Variants in GC observed in about 807,000 individuals in gnomAD.
GC encodes the protein GC vitamin D binding protein.
A neutral mutation model predicts 56.7 loss-of-function variants in GC; 43 were observed. The ratio of observed to expected loss-of-function variants is 0.76; its 90% CI spans 0.59 to 0.98. GC has a LOEUF of 0.98. Ranked by LOEUF, GC falls within the 50% of genes least tolerant of loss-of-function variation. The probability of loss-of-function intolerance (pLI) is 0.00; values close to 1 mark genes in which losing one functional copy is unlikely to be tolerated. For synonymous variants in GC, 216 were observed against 202.7 expected (o/e 1.07, Z -0.56); for missense variants, 529 against 545.9 (o/e 0.97, Z 0.31).
chr4:71,758,150 T>C lies in GC; in HGVS notation c.723A>G (p.Gln241=). The change falls in exon 7 of 13, where the codon CAA becomes CAG. Residue 241 remains glutamine, a synonymous_variant. Coordinates refer to ENST00000273951, the MANE Select transcript of GC (RefSeq NM_000583.4). ...CCTCCAGATCAGCAGTAGGCACTTT[T>C]TGGGCTAACTTTATGAGATTGCTAA... ...SRLSNLIKLA[Q]KVPTADLEDV... The C allele has an allele frequency of 1.2e-6, 2 of 1,613,360 alleles. No individual in the cohort carries two copies. Among genetic ancestry groups the C allele is most frequent in the Non-Finnish European group, 1.7e-6 (2 of 1,179,382 alleles).
chr4:71,770,901 T>C (rs1195548745), intron 1 of GC, among the ~76,000 whole-genome samples: 2 of 152,180 alleles, frequency 1.3e-5, no homozygotes, highest in Non-Finnish European at 2.9e-5. Context: ...TCATTCACGC[T>C]ACAGGGAAGA....
chr4:71,760,161 A>G (rs1289189122), intron 6 of GC, among the ~76,000 whole-genome samples: 8 of 150,182 alleles, frequency 5.3e-5, no homozygotes, highest in Admixed American at 1.3e-4. Context: ...CTCCTGCCTC[A>G]GCCTCCTGAG....
intron 4 of GC, among the ~76,000 whole-genome samples, chr4:71,765,069 T>C (rs1250844413): frequency 2.0e-5 from 3 of 152,190 alleles, no homozygotes; most frequent in Admixed American, 6.6e-5. Flanking sequence ...GTATTTAAAA[T>C]GTGTACAGCA....
At chr4:71,781,167 T>C (rs778573325) in intron 1 of GC, among the ~76,000 whole-genome samples, 6 of 151,916 alleles carry the variant, frequency 3.9e-5, no homozygotes, top group Non-Finnish European at 5.9e-5. Flanking sequence ...TTCTCACTCA[T>C]AGTTGGGAGT....
chr4:71,787,680 C>T (rs1332319936), upstream of GC, among the ~76,000 whole-genome samples: 1 of 151,674 alleles, frequency 6.6e-6, no homozygotes, highest in Non-Finnish European at 1.5e-5. Context: ...TTTAGAAGTC[C>T]AAGCAAGGGA....
At chr4:71,743,750 T>C (rs886248515) in intron 12 of GC, among the ~76,000 whole-genome samples, 2 of 152,204 alleles carry the variant, frequency 1.3e-5, no homozygotes, top group African/African-American at 4.8e-5. Flanking sequence ...TAACTATTCC[T>C]GAAATAATTG....
chr4:71,763,839 T>C lies in GC; in HGVS notation c.571A>G (p.Thr191Ala), dbSNP rs1230468529. ...SYLSMVGSCC[T>A]SASPTVCFLK... Reference sequence around the variant, plus strand: ...AAGCATACAGTTGGGCTTGCAGAGGTACAGCAGGACCCTACCATAGAAAGA... The same window carrying C: ...AAGCATACAGTTGGGCTTGCAGAGGCACAGCAGGACCCTACCATAGAAAGA... The change falls in exon 5 of 13, where the codon ACC (threonine) becomes GCC (alanine). Residue 191 changes from threonine to alanine, a missense_variant. Physicochemically the swap from Thr to Ala is moderately conservative, Grantham distance 58 (BLOSUM62 0). Coordinates refer to ENST00000273951, the MANE Select transcript of GC (RefSeq NM_000583.4). 2 of 1,612,834 alleles carry C rather than the reference T, an allele frequency of 1.2e-6. No individual in the cohort carries two copies. Among genetic ancestry groups the C allele is most frequent in the South Asian group, 1.1e-5 (1 of 91,054 alleles).
Position 71,769,401 on chromosome 4 carries a change from C to A in GC, c.59-1G>T, listed in dbSNP as rs186749426. The A allele has an allele frequency of 6.2e-7, 1 of 1,610,040 alleles. No homozygotes were observed. Among genetic ancestry groups the A allele is most frequent in the African/African-American group, 1.3e-5 (1 of 74,926 alleles). ...ACTTTATTCTTTTCATAATCCCGGC[C>A]TAGGAGGCAGAAATAGAAAAATTTG... On this transcript the variant is annotated splice_acceptor_variant, in intron 1 of 12. Transcript: ENST00000273951. LOFTEE classifies it high-confidence loss of function.
intron 11 of GC, among the ~76,000 whole-genome samples, chr4:71,749,265 A>G (rs915545230): frequency 6.6e-6 from 1 of 152,214 alleles, no homozygotes; most frequent in Non-Finnish European, 1.5e-5. Context: ...CGATAAAGCA[A>G]GAAGTGAGAG....
In GC at chr4:71,765,444, T is replaced by C. The variant is rs1742123435; in HGVS notation, c.461A>G (p.Glu154Gly). The change falls in exon 4 of 13, where the codon GAA (glutamate) becomes GGA (glycine). Residue 154 changes from glutamate to glycine, a missense_variant. Glu to Gly is a moderately conservative substitution (Grantham distance 98, BLOSUM62 -2). Coordinates refer to ENST00000273951, the MANE Select transcript of GC (RefSeq NM_000583.4). ...TGAAGGCACTCACTGATTAGCATAT[T>C]CCTTTGGATCTTTCCTGAACGCCTC... is the stretch of plus-strand genomic sequence containing the variant. ...ICEAFRKDPK[E>G]YANQFMWEYS... 6.2e-7 allele frequency: 1 copy of C among 1,613,096 alleles called. No individual in the cohort carries two copies. The highest frequency in any genetic ancestry group is 8.5e-7 in the Non-Finnish European group (1 of 1,179,398).
rs1742364204 is a variant in GC, at chr4:71,772,161, C to T, written c.59-2761G>A. ...AAGATCACTTGCTGGGGATTATAAT[C>T]TAGTCTCTTTTAAAAATAGCGAGAG... On this transcript the variant is annotated intron_variant, in intron 1 of 12. Transcript: ENST00000273951. Among the ~76,000 whole-genome samples, 3 of 152,076 alleles carry T rather than the reference C, an allele frequency of 2.0e-5. 1 individual carries two copies. Among genetic ancestry groups the T allele is most frequent in the African/African-American group, 7.2e-5 (3 of 41,430 alleles).
chr4:71,800,359 G>T (rs1743219792), intron 1 of GC, among the ~76,000 whole-genome samples: 2 of 152,228 alleles, frequency 1.3e-5, no homozygotes, highest in East Asian at 1.9e-4. Context: ...ATGTTAGTTT[G>T]CTGAGGATGA....
In GC at chr4:71,758,153, G is replaced by A; in HGVS notation, c.720C>T (p.Ala240=). ...KSRLSNLIKL[A]QKVPTADLED... The stretch of plus-strand genomic sequence containing the variant: ...CCAGATCAGCAGTAGGCACTTTTTG[G>A]GCTAACTTTATGAGATTGCTAAACA... The change falls in exon 7 of 13, where the codon GCC becomes GCT. Residue 240 remains alanine, a synonymous_variant. Coordinates refer to ENST00000273951, the MANE Select transcript of GC (RefSeq NM_000583.4). The A allele has an allele frequency of 1.2e-6, 2 of 1,612,910 alleles. No individual in the cohort carries two copies. Among genetic ancestry groups the A allele is most frequent in the Non-Finnish European group, 1.7e-6 (2 of 1,179,140 alleles).
chr4:71,771,813 T>C (rs1378660081), intron 1 of GC, among the ~76,000 whole-genome samples: 2 of 152,128 alleles, frequency 1.3e-5, no homozygotes, highest in African/African-American at 4.8e-5. Flanking sequence ...TCATTAATGG[T>C]ATTTTATGGA....
intron 1 of GC, among the ~76,000 whole-genome samples, chr4:71,792,295 A>G (rs1395170963): frequency 2.0e-5 from 3 of 152,134 alleles, no homozygotes; most frequent in Non-Finnish European, 4.4e-5. Flanking sequence ...GTGTAAAAGC[A>G]TTCCTATTTC....
intron 1 of GC, among the ~76,000 whole-genome samples, chr4:71,782,407 C>A (rs753649467): frequency 3.3e-5 from 5 of 151,686 alleles, no homozygotes; most frequent in Non-Finnish European, 7.4e-5. Flanking sequence ...CTACTCTCCC[C>A]AAATATTGAA....
chr4:71,752,590 C>A lies in GC; in HGVS notation c.1323G>T (p.Leu441=), dbSNP rs146681395. The A allele has an allele frequency of 6.2e-7, 1 of 1,613,280 alleles. No homozygotes were observed. The highest frequency in any genetic ancestry group is 8.5e-7 in the Non-Finnish European group (1 of 1,179,294). The change falls in exon 11 of 13, where the codon CTG becomes CTT. Residue 441 remains leucine, a synonymous_variant. Transcript: ENST00000273951. ...PDATPTELAK[L]VNKHSDFASN... is the part of the protein sequence containing the mutation. Reference sequence around the variant, plus strand: ...AGGCAAAGTCTGAGTGCTTGTTAACCAGCTTTGCCAGTTCCGTGGGTGTGG... The same window carrying A: ...AGGCAAAGTCTGAGTGCTTGTTAACAAGCTTTGCCAGTTCCGTGGGTGTGG...
At chr4:71,773,516 A>G (rs181293339) in intron 1 of GC, among the ~76,000 whole-genome samples, 56 of 152,188 alleles carry the variant, frequency 3.7e-4, no homozygotes, top group Non-Finnish European at 6.8e-4. Flanking sequence ...ATGGAACCCA[A>G]AATAGACACA....
intron 1 of GC, among the ~76,000 whole-genome samples, chr4:71,802,532 C>T (rs1487017638): frequency 6.6e-6 from 1 of 152,110 alleles, no homozygotes. Flanking sequence ...GCTGCATGCC[C>T]ATAAACCCAT....
Sources: gnomAD v4.1 joint callset for allele counts (sites outside exome capture counted in the v4.1 genomes callset) on GRCh38, gnomAD v4.1.1 for gene constraint, MANE v1.5 for transcripts, NCBI Gene and HGNC (gene_info 2026-07-23, HGNC 2026-07-21) for gene names.